BACE2: variants seen among roughly 807,000 people sequenced by gnomAD.
The protein encoded by BACE2 is beta-secretase 2.
A neutral mutation model predicts 46.2 loss-of-function variants in BACE2; 17 were observed. The observed-to-expected ratio is 0.37, with a 90% CI of 0.25 to 0.55. The LOEUF (loss-of-function observed/expected upper bound fraction) is 0.55. Ranked by LOEUF, BACE2 falls within the 20% of genes least tolerant of loss-of-function variation. BACE2 has a pLI of 0.82. For missense variants in BACE2, 595 were observed against 698.1 expected, an observed-to-expected ratio of 0.85 and a Z score of 1.66; for synonymous variants, 277 against 295.9, an observed-to-expected ratio of 0.94 and a Z score of 0.66.
chr21:41,232,938 G>A (rs1043830677), intron 2 of BACE2, among the ~76,000 whole-genome samples: 30 of 147,222 alleles, frequency 2.0e-4, no homozygotes, highest in African/African-American at 6.1e-4. Flanking sequence ...GCACGATATC[G>A]GCTCACTGCA....
chr21:41,206,544 G>A (rs1190347499), intron 1 of BACE2, among the ~76,000 whole-genome samples: 1 of 152,232 alleles, frequency 6.6e-6, no homozygotes, highest in African/African-American at 2.4e-5. Context: ...GTTACAAAAG[G>A]ACAAGCACTG....
intron 1 of BACE2, among the ~76,000 whole-genome samples, chr21:41,217,576 T>A (rs948999752): frequency 6.6e-6 from 1 of 152,202 alleles, no homozygotes; most frequent in African/African-American, 2.4e-5. Flanking sequence ...CATGGCAGCT[T>A]TGGCGAGGTA....
chr21:41,253,854 T>C (rs898067878), intron 7 of BACE2, among the ~76,000 whole-genome samples: 4 of 152,200 alleles, frequency 2.6e-5, no homozygotes, highest in African/African-American at 9.6e-5. Flanking sequence ...TTTTTATTTT[T>C]AAAAATCCAC....
At chr21:41,190,208 C>T (rs982524725) in intron 1 of BACE2, among the ~76,000 whole-genome samples, 2 of 152,152 alleles carry the variant, frequency 1.3e-5, no homozygotes, top group African/African-American at 4.8e-5. Context: ...GTCCACCCCT[C>T]GTCAACTTGA....
At chr21:41,259,202 C>G (rs1226029260) in intron 8 of BACE2, among the ~76,000 whole-genome samples, 1 of 152,126 alleles carries the variant, frequency 6.6e-6, no homozygotes, top group Non-Finnish European at 1.5e-5. Flanking sequence ...CTGAATTTCA[C>G]TGTGAGTTAT....
In BACE2 at chr21:41,277,151, T is replaced by A. The variant is rs961606967; in HGVS notation, c.*1527T>A. On this transcript the variant is annotated 3_prime_UTR_variant, in exon 9 of 9. Transcript: ENST00000330333. ...TGCTAAGTGTCCCCTCCTGCAGAAG[T>A]ATCGTTTGTATTCACAGTAGGCTAC... 6.6e-6 allele frequency: 1 copy of A among 151,848 alleles called. No homozygotes were observed. The highest frequency in any genetic ancestry group is 1.5e-5 in the Non-Finnish European group (1 of 68,000). 9.4% of individuals were successfully genotyped at this position (151,848 alleles called of 1,614,324 possible). A position where few individuals can be genotyped will look rare whatever the true frequency, so the allele number is the denominator to read the frequency against.
chr21:41,183,357 C>G (rs549067757), intron 1 of BACE2: 13 of 167,104 alleles, frequency 7.8e-5, no homozygotes, highest in African/African-American at 3.1e-4. Flanking sequence ...TATGAGTGTT[C>G]TTTTATCTAT....
intron 8 of BACE2, among the ~76,000 whole-genome samples, chr21:41,272,281 A>G (rs2088441662): frequency 6.6e-6 from 1 of 151,754 alleles, no homozygotes; most frequent in Admixed American, 6.6e-5. Flanking sequence ...GCAGTGCGCT[A>G]TTATAATCTA....
At chr21:41,269,256 G>A (rs188080249) in intron 8 of BACE2, among the ~76,000 whole-genome samples, 4 of 152,084 alleles carry the variant, frequency 2.6e-5, no homozygotes, top group African/African-American at 4.8e-5. Context: ...GCCTGGCCTC[G>A]GTTTTTCTTT....
intron 1 of BACE2, chr21:41,177,285 T>C (rs1347394481): frequency 6.6e-6 from 1 of 152,306 alleles, no homozygotes; most frequent in African/African-American, 2.4e-5. Context: ...TAAAGGCCAC[T>C]CAGGTGGGAC....
intron 8 of BACE2, among the ~76,000 whole-genome samples, chr21:41,260,034 T>A (rs1471594251): frequency 6.6e-6 from 1 of 152,178 alleles, no homozygotes; most frequent in Admixed American, 6.5e-5. Context: ...TTTGCCATGT[T>A]GCCCAGGCTG....
At chr21:41,179,627 A>T (rs1193769211) in intron 1 of BACE2, 10 of 1,365,432 alleles carry the variant, frequency 7.3e-6, no homozygotes, top group Admixed American at 1.9e-5. Context: ...CAACTCTTTC[A>T]TCTAGTTTAA....
Position 41,168,257 on chromosome 21 carries a change from C to A in BACE2, c.-7C>A. On this transcript the variant is annotated 5_prime_UTR_variant, in exon 1 of 9. Coordinates refer to ENST00000330333, the MANE Select transcript of BACE2 (RefSeq NM_012105.5). ...GCTGGGCGCGCCCCCCGGGCCCCGCCGTGGGCATGGGCGCACTGGCCCGGG... is the reference window on the plus strand; with the variant it reads ...GCTGGGCGCGCCCCCCGGGCCCCGCAGTGGGCATGGGCGCACTGGCCCGGG... 1 of 1,173,712 alleles carries A rather than the reference C, an allele frequency of 8.5e-7. No homozygotes were observed. The highest frequency in any genetic ancestry group is 4.2e-5 in the South Asian group (1 of 24,006). The allele number at this position is 1,173,712 out of a possible 1,614,324, so 72.7% of individuals were successfully genotyped here. A position where few individuals can be genotyped will look rare whatever the true frequency, so the allele number is the denominator to read the frequency against.
At chr21:41,245,110 G>T (rs2837984) in intron 5 of BACE2, among the ~76,000 whole-genome samples, 116,215 of 152,212 alleles carry the variant, frequency 0.76, 44,813 homozygotes, top group East Asian at 0.91. Context: ...CGCTAAGTTA[G>T]ATTTTAAATT....
intron 1 of BACE2, among the ~76,000 whole-genome samples, chr21:41,220,168 AT>A (rs1327926657): frequency 5.8e-5 from 7 of 120,394 alleles, no homozygotes; most frequent in Admixed American, 7.7e-5. Flanking sequence ...AGATGAAGAG[AT>A]GTGTAGGTTG....
chr21:41,205,155 T>C (rs1451581797), intron 1 of BACE2, among the ~76,000 whole-genome samples: 3 of 152,226 alleles, frequency 2.0e-5, no homozygotes, highest in Non-Finnish European at 2.9e-5. Flanking sequence ...TTTAAGAAGA[T>C]TTCATTGTAA....
chr21:41,253,161 G>T (rs1987687146), intron 7 of BACE2, among the ~76,000 whole-genome samples: 1 of 152,058 alleles, frequency 6.6e-6, no homozygotes, highest in South Asian at 2.1e-4. Flanking sequence ...TGTGCTCTTG[G>T]CCGGGCGCAG....
At chr21:41,216,776 G>A (rs917413524) in intron 1 of BACE2, among the ~76,000 whole-genome samples, 1 of 152,222 alleles carries the variant, frequency 6.6e-6, no homozygotes, top group Non-Finnish European at 1.5e-5. Context: ...GCGCGGACGT[G>A]CGTTGCCAGC....
chr21:41,266,968 G>C (rs2088382608), intron 8 of BACE2, among the ~76,000 whole-genome samples: 1 of 151,932 alleles, frequency 6.6e-6, no homozygotes, highest in African/African-American at 2.4e-5. Context: ...GTGTGTGTGT[G>C]TGTGTGTGTG....
Sources: gnomAD v4.1 joint callset for allele counts (sites outside exome capture counted in the v4.1 genomes callset) on GRCh38, gnomAD v4.1.1 for gene constraint, MANE v1.5 for transcripts, NCBI Gene and HGNC (gene_info 2026-07-23, HGNC 2026-07-21) for gene names.